ZZEF1: variants seen among roughly 807,000 people sequenced by gnomAD.
ZZEF1 encodes the protein zinc finger ZZ-type and EF-hand domain-containing protein 1.
In ZZEF1, 157 loss-of-function variants were observed where a neutral mutation model predicts 342.8. The ratio of observed to expected loss-of-function variants is 0.46; its 90% CI spans 0.40 to 0.52. The LOEUF (loss-of-function observed/expected upper bound fraction) is 0.52, where lower values mean the gene tolerates loss of function less well. Ranked by LOEUF, ZZEF1 falls within the 20% of genes least tolerant of loss-of-function variation. The pLI is 0.00. For missense variants in ZZEF1, 3,480 were observed against 3,725.6 expected (o/e 0.93, Z 1.72); for synonymous variants, 1,505 against 1,429.1 (o/e 1.05, Z -1.20).
At position 4,081,490 on chromosome 17, in the gene ZZEF1, A is replaced by T; in HGVS notation, c.2715T>A (p.Ser905Arg). The change falls in exon 18 of 55, where the codon AGT (serine) becomes AGA (arginine). Residue 905 changes from serine to arginine, a missense_variant and splice_region_variant. Ser to Arg is a moderately radical substitution (Grantham distance 110). Transcript: ENST00000381638. ...LTFRSLCTYF[S>R]DKDPGGLLLL... ...GAAGAAGGCCGCCTGGATCCTTGTC[A>T]CTGAAAGGATACAAATTAGTCATGA... 2 of 1,610,326 alleles carry T rather than the reference A, an allele frequency of 1.2e-6. No individual in the cohort carries two copies. The highest frequency in any genetic ancestry group is 1.7e-6 in the Non-Finnish European group (2 of 1,176,626).
chr17:4,009,588 AG>A lies in ZZEF1; in HGVS notation c.8733+15del. On this transcript the variant is annotated intron_variant, in intron 53 of 54. Coordinates refer to ENST00000381638, the MANE Select transcript of ZZEF1 (RefSeq NM_015113.4). ...CATGGAGGCACCGGGCTCCCTGCCC[AG>A]ACCTCAGGCCTCACCTGGGCACGGT... 1 of 1,612,294 alleles carries A rather than the reference AG, an allele frequency of 6.2e-7. No individual in the cohort carries two copies. Among genetic ancestry groups the A allele is most frequent in the Non-Finnish European group, 8.5e-7 (1 of 1,179,916 alleles).
chr17:4,142,515 T>C lies in ZZEF1; in HGVS notation c.354+27A>G, dbSNP rs4239043. On this transcript the variant is annotated intron_variant, in intron 1 of 54. Transcript: ENST00000381638. ...CCCTGGGGGCGACCGCCCTGCCCCA[T>C]CCCCGCAGTCGCCTGCCGGCCCTGA... 0.99 allele frequency: 1,576,821 copies of C among 1,587,396 alleles called. 783,700 individuals are homozygous for C. Among genetic ancestry groups the C allele is most frequent in the East Asian group, 1 (43,775 of 43,776 alleles).
chr17:4,051,195 G>A (rs1428111479), intron 35 of ZZEF1, 152 bp from the exon 36 acceptor site: 4 of 983,658 alleles, frequency 4.1e-6, no homozygotes, highest in Non-Finnish European at 6.1e-6. Context: ...AAAGGTGTGG[G>A]CCCTCTCTCC....
At chr17:4,060,335 C>T (rs2057256635) in intron 30 of ZZEF1, among the ~76,000 whole-genome samples, 1 of 152,086 alleles carries the variant, frequency 6.6e-6, no homozygotes, top group South Asian at 2.1e-4. Context: ...GAGGCTGAGC[C>T]GGGCGGATCA....
rs1260149482 is a variant in ZZEF1, at chr17:4,114,287, T to G, written c.866+12A>C. 1 of 1,566,100 alleles carries G rather than the reference T, an allele frequency of 6.4e-7. No individual in the cohort carries two copies. The highest frequency in any genetic ancestry group is 1.2e-5 in the South Asian group (1 of 82,530). On this transcript the variant is annotated intron_variant, in intron 4 of 54. Transcript: ENST00000381638. ...AATTTTAAAAAACAAAAAAGTATTA[T>G]ATACCACCCACCGAATCCAGTGTGA...
intron 34 of ZZEF1, among the ~76,000 whole-genome samples, 166 bp downstream of exon 34, chr17:4,053,891 T>C (rs1396748256): frequency 6.6e-6 from 1 of 152,218 alleles, no homozygotes; most frequent in Non-Finnish European, 1.5e-5. Context: ...TGTGGAGCTT[T>C]TCATTTAGTT....
chr17:4,033,187 T>C (rs116899990), intron 40 of ZZEF1, 185 bp from the exon 41 acceptor site: 1 of 568,950 alleles, frequency 1.8e-6, no homozygotes, highest in East Asian at 2.8e-5. Context: ...CAAGACTTGT[T>C]ACTTACATAC....
At chr17:4,036,637 C>A (rs2056669466) in intron 39 of ZZEF1, among the ~76,000 whole-genome samples, 1 of 151,374 alleles carries the variant, frequency 6.6e-6, no homozygotes, top group African/African-American at 2.4e-5. Flanking sequence ...AAGGCTGAGG[C>A]AGGAGAATCA....
At chr17:4,128,221 G>A (rs927576437) in intron 1 of ZZEF1, among the ~76,000 whole-genome samples, 3 of 151,596 alleles carry the variant, frequency 2.0e-5, no homozygotes, top group African/African-American at 4.8e-5. Context: ...GGTGGCGCGT[G>A]CATGTAATCC....
intron 1 of ZZEF1, among the ~76,000 whole-genome samples, chr17:4,140,584 C>T (rs1188997018): frequency 6.6e-6 from 1 of 152,204 alleles, no homozygotes; most frequent in Non-Finnish European, 1.5e-5. Flanking sequence ...GATATACGCC[C>T]AATAAACATT....
At position 4,142,563 on chromosome 17, in the gene ZZEF1, G is replaced by A. The variant is rs2058879551; in HGVS notation, c.333C>T (p.Cys111=). Residue 111 remains cysteine (C), a synonymous_variant, in exon 1 of 55, where the codon TGC becomes TGT. Coordinates refer to ENST00000381638, the MANE Select transcript of ZZEF1 (RefSeq NM_015113.4). ...TGACCTCCTCGAACTGCTCGCTAGAGCAGCCGGCGCCGCGAGCCTCCAGCA... is the reference window on the plus strand; with the variant it reads ...TGACCTCCTCGAACTGCTCGCTAGAACAGCCGGCGCCGCGAGCCTCCAGCA... ...RELLEARGAG[C]SSEQFEEAFA... The A allele has an allele frequency of 6.2e-7, 1 of 1,602,122 alleles. No homozygotes were observed. The highest frequency in any genetic ancestry group is 8.5e-7 in the Non-Finnish European group (1 of 1,179,398).
intron 1 of ZZEF1, among the ~76,000 whole-genome samples, chr17:4,131,720 A>G (rs945779050): frequency 6.6e-6 from 1 of 152,090 alleles, no homozygotes; most frequent in South Asian, 2.1e-4. Flanking sequence ...GTCGAGGTGC[A>G]GTGAGCCAAG....
chr17:4,008,062 C>T lies in ZZEF1; in HGVS notation c.8805+821G>A, dbSNP rs538805273. Among the ~76,000 whole-genome samples the T allele has an allele frequency of 9.9e-5, 15 of 151,928 alleles. No individual in the cohort carries two copies. The South Asian group carries it at 2.9e-3, about 30-fold the overall frequency. On this transcript the variant is annotated intron_variant, in intron 54 of 54. Coordinates refer to ENST00000381638, the MANE Select transcript of ZZEF1 (RefSeq NM_015113.4). The surrounding 1 kb of genome is among the most constrained non-coding windows in gnomAD (Gnocchi z 4.2). ...ACTCCCGAGACCCTTTTGGGGTCTG[C>T]AAGGTTCATTTTTGACTTTCCTTCT...
At chr17:4,049,285 G>A (rs1184797638) in intron 37 of ZZEF1, among the ~76,000 whole-genome samples, 2 of 152,174 alleles carry the variant, frequency 1.3e-5, no homozygotes, top group African/African-American at 4.8e-5. Flanking sequence ...GCCAAGGCCA[G>A]AAGATCACTT....
intron 8 of ZZEF1, among the ~76,000 whole-genome samples, chr17:4,104,432 C>A (rs1029968930): frequency 1.3e-5 from 2 of 152,194 alleles, no homozygotes; most frequent in Non-Finnish European, 2.9e-5. Flanking sequence ...ACTGCCATCA[C>A]ATAAATGAAC....
chr17:4,059,769 C>A (rs2057245909), intron 30 of ZZEF1, among the ~76,000 whole-genome samples: 1 of 152,208 alleles, frequency 6.6e-6, no homozygotes, highest in South Asian at 2.1e-4. Flanking sequence ...TCTCTGCCAT[C>A]TGCATCTCCA....
chr17:4,094,047 T>C (rs1009212780), intron 11 of ZZEF1, among the ~76,000 whole-genome samples: 1 of 152,190 alleles, frequency 6.6e-6, no homozygotes, highest in African/African-American at 2.4e-5. Flanking sequence ...GTTTTCCTTG[T>C]TGCCCCTTAA....
intron 39 of ZZEF1, among the ~76,000 whole-genome samples, chr17:4,041,748 C>T (rs576168286): frequency 6.6e-6 from 1 of 151,972 alleles, no homozygotes; most frequent in African/African-American, 2.4e-5. Context: ...AAAAGAATAA[C>T]GAAGGCATAC....
rs1446489722 is a variant in ZZEF1 at position 4,006,864 on chromosome 17, T to G, written c.*26A>C. ...TCTAAAATCCCTGTGGCAGATGAAC[T>G]AGTCCCATGCACGCCCCACCAAGGG... is the stretch of plus-strand genomic sequence containing the variant. On this transcript the variant is annotated 3_prime_UTR_variant, in exon 55 of 55. Coordinates refer to ENST00000381638, the MANE Select transcript of ZZEF1 (RefSeq NM_015113.4). The G allele has an allele frequency of 6.4e-7, 1 of 1,563,368 alleles. No homozygotes were observed. The highest frequency in any genetic ancestry group is 2.4e-5 in the East Asian group (1 of 42,518).
Sources: allele counts gnomAD v4.1 joint callset (sites outside exome capture counted in the v4.1 genomes callset), GRCh38; gene constraint gnomAD v4.1.1; non-coding constraint Gnocchi (gnomAD v3.1); transcripts MANE v1.5; gene names NCBI Gene and HGNC (gene_info 2026-07-23, HGNC 2026-07-21).